ANK3: variants seen among roughly 807,000 people sequenced by gnomAD.
ANK3 encodes ankyrin-3.
Under a neutral mutation model 370.9 loss-of-function variants are expected in ANK3, and 57 were observed. The observed-to-expected ratio is 0.15, with a 90% confidence interval of 0.12 to 0.19. ANK3 has a LOEUF of 0.19. Ranked by LOEUF, ANK3 falls within the 10% of genes least tolerant of loss-of-function variation. The pLI is 1.00. For missense variants in ANK3, 4,439 were observed against 5,302.1 expected (o/e 0.84, Z 5.06); for synonymous variants, 1,929 against 1,946.3 (o/e 0.99, Z 0.23).
chr10:60,637,013 ACTACATT>A (rs1232915358), intron 1 of ANK3, among the ~76,000 whole-genome samples: 3 of 152,150 alleles, frequency 2.0e-5, no homozygotes, highest in Admixed American at 6.5e-5. Context: ...TTTATTTCCT[ACTACATT>A]CTCACTCCAA....
At chr10:60,167,284 T>C (rs1352336172) in intron 21 of ANK3, among the ~76,000 whole-genome samples, 1 of 152,196 alleles carries the variant, frequency 6.6e-6, no homozygotes, top group Admixed American at 6.5e-5. Flanking sequence ...CTGCAAGAAA[T>C]ATGTCTCTAT....
chr10:60,457,237 T>C (rs1381537171), intron 2 of ANK3, among the ~76,000 whole-genome samples: 1 of 152,090 alleles, frequency 6.6e-6, no homozygotes, highest in Non-Finnish European at 1.5e-5. Context: ...ATACCAGGAA[T>C]GGGTAGAAAT....
chr10:60,114,314 C>T lies in ANK3; in HGVS notation c.2859G>A (p.Arg953=). Residue 953 remains arginine (R), a synonymous_variant, in exon 26 of 44, where the codon AGG becomes AGA. Transcript: ENST00000280772. ...GTCTAAGAGAATCTGAATCAAATTC[C>T]CTTGTGAATGTTAGATGCTGAAAAA... is the stretch of plus-strand genomic sequence containing the variant. ...PSKEQHLTFT[R]EFDSDSLRHY... 6.2e-7 allele frequency: 1 copy of T among 1,600,126 alleles called. No individual in the cohort carries two copies. The highest frequency in any genetic ancestry group is 8.5e-7 in the Non-Finnish European group (1 of 1,171,716).
chr10:60,091,593 A>G (rs943570806), intron 28 of ANK3, among the ~76,000 whole-genome samples: 6 of 152,170 alleles, frequency 3.9e-5, no homozygotes, highest in African/African-American at 1.2e-4. Flanking sequence ...ACTAGAGGGT[A>G]GACTGGAGGG....
At position 60,720,028 on chromosome 10, in the gene ANK3, G is replaced by A. The variant is rs537057488; in HGVS notation, c.57+13235C>T. Among the ~76,000 whole-genome samples, 16 of 152,208 alleles carry A rather than the reference G, an allele frequency of 1.1e-4. No homozygotes were observed. In the South Asian group the frequency reaches 1.2e-3, roughly 12 times the overall value. The stretch of plus-strand genomic sequence containing the variant: ...ATCACTTTAAAGAAAAATGTTGAAC[G>A]AATTCCCATCATTTTATTACAAGAG... On this transcript the variant is annotated intron_variant, in intron 1 of 43. Transcript: ENST00000373827.
At chr10:60,064,708 A>ACAC (rs970292683) in intron 38 of ANK3, among the ~76,000 whole-genome samples, 12 of 151,916 alleles carry the variant, frequency 7.9e-5, no homozygotes, top group East Asian at 3.9e-4. Flanking sequence ...AACAACAACA[A>ACAC]CACAAAAATT....
rs201967287 is a variant in ANK3, at chr10:60,579,257, G to A, written c.96+35929C>T. Among the ~76,000 whole-genome samples, 724 of 150,488 alleles carry A rather than the reference G, an allele frequency of 4.8e-3. 6 individuals carry two copies. Among genetic ancestry groups the A allele is most frequent in the Non-Finnish European group, 5.1e-3 (348 of 67,710 alleles). On this transcript the variant is annotated intron_variant, in intron 2 of 43. Coordinates refer to the ANK3 transcript ENST00000373827. ...GGAGAATCGCTTGAACCTGGGAGGC[G>A]GAGGTTGCAGTGAGCTGAGATTGTG...
At chr10:60,221,073 GTTGATTTTGCCTTTT>G (rs2097046133) in intron 8 of ANK3, among the ~76,000 whole-genome samples, 1 of 136,578 alleles carries the variant, frequency 7.3e-6, no homozygotes, top group African/African-American at 2.7e-5. Context: ...CATATTTTTT[GTTGATTTTGCCTTTT>G]TTTTTTTTTG....
intron 1 of ANK3, among the ~76,000 whole-genome samples, chr10:60,320,450 C>A (rs2048377677): frequency 6.6e-6 from 1 of 152,158 alleles, no homozygotes; most frequent in South Asian, 2.1e-4. Flanking sequence ...AAAAAATTAG[C>A]CGGGCATGGT....
chr10:60,232,227 C>CAG (rs983763263), intron 8 of ANK3, among the ~76,000 whole-genome samples: 3 of 152,080 alleles, frequency 2.0e-5, no homozygotes, highest in African/African-American at 7.2e-5. Context: ...ACTATATCAC[C>CAG]AGAGAGAGAA....
chr10:60,695,577 A>G (rs1420174340), intron 1 of ANK3, among the ~76,000 whole-genome samples: 3 of 152,242 alleles, frequency 2.0e-5, no homozygotes, highest in African/African-American at 7.2e-5. Flanking sequence ...CAATCAAACT[A>G]GAACTCAGGA....
At chr10:60,483,276 A>G (rs1476568618) in intron 2 of ANK3, among the ~76,000 whole-genome samples, 1 of 152,248 alleles carries the variant, frequency 6.6e-6, no homozygotes, top group Non-Finnish European at 1.5e-5. Context: ...ACCATGATTC[A>G]TACTAAGCAA....
chr10:60,312,990 C>T (rs2046667619), intron 1 of ANK3, among the ~76,000 whole-genome samples: 1 of 152,184 alleles, frequency 6.6e-6, no homozygotes, highest in Non-Finnish European at 1.5e-5. Context: ...TGAGGCCTCC[C>T]CAGTGTGCAA....
chr10:60,446,905 C>G (rs2064462797), intron 2 of ANK3, among the ~76,000 whole-genome samples: 1 of 152,196 alleles, frequency 6.6e-6, no homozygotes, highest in South Asian at 2.1e-4. Context: ...CTTACTTTGA[C>G]ATTTAATCAT....
chr10:60,725,822 A>G (rs2079933230), intron 1 of ANK3, among the ~76,000 whole-genome samples: 1 of 152,322 alleles, frequency 6.6e-6, no homozygotes, highest in Non-Finnish European at 1.5e-5. Flanking sequence ...GAAAGGAGAT[A>G]AGTGAATGAG....
chr10:60,079,162 T>G (rs2084514588), intron 36 of ANK3, among the ~76,000 whole-genome samples: 1 of 115,692 alleles, frequency 8.6e-6, no homozygotes, highest in Non-Finnish European at 1.7e-5. Flanking sequence ...GGAAACCACC[T>G]AGCTACCTAG....
intron 1 of ANK3, among the ~76,000 whole-genome samples, chr10:60,630,152 T>G (rs971044549): frequency 1.2e-4 from 18 of 152,142 alleles, no homozygotes; most frequent in Non-Finnish European, 2.5e-4. Flanking sequence ...AGTGTCAGTT[T>G]CTTATCTGTC....
intron 1 of ANK3, among the ~76,000 whole-genome samples, chr10:60,635,476 T>C (rs2078541399): frequency 6.6e-6 from 1 of 152,168 alleles, no homozygotes; most frequent in Non-Finnish European, 1.5e-5. Context: ...TTCTAAGGCC[T>C]GATAGACCTA....
intron 2 of ANK3, among the ~76,000 whole-genome samples, chr10:60,600,138 T>A (rs2078040775): frequency 6.6e-6 from 1 of 152,172 alleles, no homozygotes; most frequent in South Asian, 2.1e-4. Context: ...AAGCTCCTAC[T>A]TTTAACTGGA....
Sources: gnomAD v4.1 joint callset for allele counts (sites outside exome capture counted in the v4.1 genomes callset) on GRCh38, gnomAD v4.1.1 for gene constraint, MANE v1.5 for transcripts, NCBI Gene and HGNC (gene_info 2026-07-23, HGNC 2026-07-21) for gene names.